The following ADGRB3 variants were observed in gnomAD, a reference collection of about 807,000 sequenced individuals.
The protein encoded by ADGRB3 is brain-specific angiogenesis inhibitor 3.
In ADGRB3, 37 loss-of-function variants were observed where a neutral mutation model predicts 193.4. The ratio of observed to expected loss-of-function variants is 0.19; its 90% CI spans 0.15 to 0.25. The LOEUF (loss-of-function observed/expected upper bound fraction) is 0.25. ADGRB3 is among the 10% of genes least tolerant of loss of function. ADGRB3 has a pLI of 1.00. For missense variants in ADGRB3, 1,637 were observed against 1,852.9 expected, an observed-to-expected ratio of 0.88 and a Z score of 2.14; for synonymous variants, 690 against 644.2, an observed-to-expected ratio of 1.07 and a Z score of -1.08.
chr6:68,673,128 T>A (rs1213599939), intron 3 of ADGRB3, among the ~76,000 whole-genome samples: 1 of 152,030 alleles, frequency 6.6e-6, no homozygotes, highest in Non-Finnish European at 1.5e-5. Context: ...AATAATTAAA[T>A]GACAAGAACG....
chr6:69,025,570 T>C (rs1473201941), intron 13 of ADGRB3, among the ~76,000 whole-genome samples: 3 of 151,676 alleles, frequency 2.0e-5, no homozygotes, highest in African/African-American at 7.3e-5. Flanking sequence ...CTGACGTCAG[T>C]TCAGTCAGCT....
intron 3 of ADGRB3, among the ~76,000 whole-genome samples, chr6:68,655,303 C>T (rs1260962715): frequency 2.7e-5 from 4 of 150,914 alleles, no homozygotes; most frequent in East Asian, 3.9e-4. Flanking sequence ...TGTTTTGTTT[C>T]GTTTTTTTGT....
chr6:68,743,023 C>T (rs1177309390), intron 3 of ADGRB3, among the ~76,000 whole-genome samples: 1 of 152,036 alleles, frequency 6.6e-6, no homozygotes, highest in Non-Finnish European at 1.5e-5. Context: ...TATGACTAGG[C>T]ATGCGTATAC....
At chr6:68,971,224 CATT>C (rs1768558899) in intron 8 of ADGRB3, among the ~76,000 whole-genome samples, 2 of 152,124 alleles carry the variant, frequency 1.3e-5, no homozygotes, top group African/African-American at 4.8e-5. Flanking sequence ...TTTTTCTAGT[CATT>C]ATTTCCTAAA....
intron 8 of ADGRB3, among the ~76,000 whole-genome samples, chr6:68,973,822 ATAT>A (rs1377426176): frequency 6.6e-6 from 1 of 152,176 alleles, no homozygotes; most frequent in African/African-American, 2.4e-5. Context: ...GAAGGGACTA[ATAT>A]TCTTTCACAT....
At chr6:68,932,518 TAA>T (rs1484763543) in intron 4 of ADGRB3, among the ~76,000 whole-genome samples, 4 of 152,026 alleles carry the variant, frequency 2.6e-5, no homozygotes, top group Non-Finnish European at 4.4e-5. Flanking sequence ...TAGACAAACA[TAA>T]ATACATGTAT....
At chr6:69,043,321 A>AAGG (rs1771137893) in intron 13 of ADGRB3, among the ~76,000 whole-genome samples, 1 of 51,926 alleles carries the variant, frequency 1.9e-5, no homozygotes, top group African/African-American at 8.1e-5. Flanking sequence ...AGAAAGAAAG[A>AAGG]AAGAAAGAAA....
intron 20 of ADGRB3, among the ~76,000 whole-genome samples, chr6:69,268,500 C>T (rs1029185551): frequency 2.0e-5 from 3 of 152,124 alleles, no homozygotes; most frequent in African/African-American, 7.2e-5. Context: ...GATGACCTCT[C>T]TAACATTTTA....
In ADGRB3 at chr6:69,029,022, C is replaced by A. The variant is rs148516426; in HGVS notation, c.2107+10523C>A. Among the ~76,000 whole-genome samples the A allele has an allele frequency of 3.9e-5, 6 of 152,254 alleles. No homozygotes were observed. The East Asian group carries it at 1.2e-3, about 29-fold the overall frequency. ...CATAATTTGTCCTACATCAGTGCCT[C>A]CCATTCAGAGTGGGTGCATTTTTTT... On this transcript the variant is annotated intron_variant, in intron 13 of 31. Transcript: ENST00000370598.
At chr6:68,994,775 T>C (rs1769337331) in intron 11 of ADGRB3, among the ~76,000 whole-genome samples, 1 of 152,190 alleles carries the variant, frequency 6.6e-6, no homozygotes. Flanking sequence ...AAAATAAAGA[T>C]TTGGCAAAAC....
At chr6:68,817,304 C>A (rs116891643) in intron 3 of ADGRB3, among the ~76,000 whole-genome samples, 7,039 of 56,388 alleles carry the variant, frequency 0.12, 847 homozygotes, top group Middle Eastern at 0.27. Flanking sequence ...CCCTTTTGTC[C>A]ATGTATATAT....
chr6:69,208,712 G>A (rs1765591348), intron 17 of ADGRB3, among the ~76,000 whole-genome samples: 1 of 152,224 alleles, frequency 6.6e-6, no homozygotes, highest in African/African-American at 2.4e-5. Context: ...AGAAGGCAGG[G>A]TGGCAGGAGT....
chr6:69,356,785 T>C (rs1235259563), intron 28 of ADGRB3, among the ~76,000 whole-genome samples: 1 of 152,158 alleles, frequency 6.6e-6, no homozygotes, highest in Non-Finnish European at 1.5e-5. Context: ...CTGCAGCACG[T>C]CCTGTTTAGA....
At chr6:69,269,081 C>T (rs1767114725) in intron 20 of ADGRB3, among the ~76,000 whole-genome samples, 1 of 152,028 alleles carries the variant, frequency 6.6e-6, no homozygotes, top group Non-Finnish European at 1.5e-5. Context: ...ACATTTACAC[C>T]TCAAAACAAT....
At chr6:68,685,123 G>A (rs1157201709) in intron 3 of ADGRB3, among the ~76,000 whole-genome samples, 2 of 152,056 alleles carry the variant, frequency 1.3e-5, no homozygotes, top group Non-Finnish European at 2.9e-5. Flanking sequence ...ACCATACACA[G>A]ACAGAGGTAG....
intron 20 of ADGRB3, among the ~76,000 whole-genome samples, chr6:69,278,309 T>C (rs537899136): frequency 6.6e-6 from 1 of 152,344 alleles, no homozygotes; most frequent in Non-Finnish European, 1.5e-5. Flanking sequence ...CACTTTGCCA[T>C]AACTTCATCC....
chr6:69,068,478 G>A lies in ADGRB3; in HGVS notation c.2436+5442G>A, dbSNP rs193287303. 2.6e-5 allele frequency among the ~76,000 whole-genome samples: 4 copies of A among 152,182 alleles called. No homozygotes were observed. The East Asian group carries it at 7.7e-4, about 29-fold the overall frequency. ...TTAACTCTAGAAGACCCATTTGCTT[G>A]CTGAGAGGTACACCAGACTTTGTGC... is the stretch of plus-strand genomic sequence containing the variant. On this transcript the variant is annotated intron_variant, in intron 16 of 31. Coordinates refer to ENST00000370598, the MANE Select transcript of ADGRB3 (RefSeq NM_001704.3).
Position 68,975,259 on chromosome 6 carries a change from C to CA in ADGRB3, c.1654dup (p.Ser552LysfsTer20). The CA allele has an allele frequency of 6.2e-7, 1 of 1,614,006 alleles. No homozygotes were observed. The highest frequency in any genetic ancestry group is 8.5e-7 in the Non-Finnish European group (1 of 1,179,924). ...GCACCACTAGCAGACGCTGCTCTCTCAGTCTTCATGGAGTGGCCTTCTGGG... is the reference window on the plus strand; with the variant it reads ...GCACCACTAGCAGACGCTGCTCTCTCAAGTCTTCATGGAGTGGCCTTCTGGG... On this transcript the variant is annotated frameshift_variant, in exon 10 of 32. Coordinates refer to ENST00000370598, the MANE Select transcript of ADGRB3 (RefSeq NM_001704.3). LOFTEE classifies it high-confidence loss of function.
chr6:68,929,497 A>G (rs1408930322), intron 3 of ADGRB3, among the ~76,000 whole-genome samples: 1 of 152,184 alleles, frequency 6.6e-6, no homozygotes, highest in Non-Finnish European at 1.5e-5. Context: ...CACTATCTGC[A>G]GTGTCACTGG....
Sources: allele counts gnomAD v4.1 joint callset (sites outside exome capture counted in the v4.1 genomes callset), GRCh38; gene constraint gnomAD v4.1.1; transcripts MANE v1.5; gene names NCBI Gene and HGNC (gene_info 2026-07-23, HGNC 2026-07-21).